Variants in THSD7B observed in about 807,000 individuals in gnomAD.
The protein encoded by THSD7B is thrombospondin type-1 domain-containing protein 7B.
Under a neutral mutation model 213.6 loss-of-function variants are expected in THSD7B, and 138 were observed. The ratio of observed to expected loss-of-function variants is 0.65; its 90% CI spans 0.56 to 0.74. The LOEUF is 0.74. Ranked by LOEUF, THSD7B falls within the 30% of genes least tolerant of loss-of-function variation. The probability of loss-of-function intolerance (pLI) is 0.00; values close to 1 mark genes in which losing one functional copy is unlikely to be tolerated. For missense variants in THSD7B, 1,931 were observed against 1,991.5 expected (o/e 0.97, Z 0.58); for synonymous variants, 742 against 687.0 (o/e 1.08, Z -1.25).
chr2:136,939,840 T>C (rs1684790676), intron 2 of THSD7B, among the ~76,000 whole-genome samples: 1 of 152,114 alleles, frequency 6.6e-6, no homozygotes, highest in African/African-American at 2.4e-5. Flanking sequence ...AAGGTTTGAT[T>C]ATTTAGCACA....
At position 137,056,424 on chromosome 2, in the gene THSD7B, GT is replaced by G; in HGVS notation, c.145del (p.Trp49GlyfsTer84). 1 of 1,607,062 alleles carries G rather than the reference GT, an allele frequency of 6.2e-7. No homozygotes were observed. Reference protein sequence around the residue: ...DNQFIWKPGPWGRCTGDCGPG... With the variant: ...DNQFIWKPGPXGRCTGDCGPG... The stretch of plus-strand genomic sequence containing the variant: ...TCCTTGTTTTTCTGCCTGTAGGTCC[GT>G]GGGGAAGGTGTACAGGAGACTGTGG... On this transcript the variant is annotated frameshift_variant, in exon 3 of 28. Transcript: ENST00000409968. LOFTEE classifies it high-confidence loss of function.
chr2:137,308,064 A>G (rs1411195903), intron 12 of THSD7B, among the ~76,000 whole-genome samples: 1 of 152,064 alleles, frequency 6.6e-6, no homozygotes, highest in Non-Finnish European at 1.5e-5. Context: ...TGTGTGTGAT[A>G]CACTATGGAA....
At chr2:137,657,529 AACATAC>A (rs1683260170) in intron 24 of THSD7B, among the ~76,000 whole-genome samples, 1 of 152,220 alleles carries the variant, frequency 6.6e-6, no homozygotes, top group Non-Finnish European at 1.5e-5. Flanking sequence ...CCTGACATAA[AACATAC>A]TCAGAAGTTG....
chr2:137,013,727 A>G (rs574457131), intron 2 of THSD7B, among the ~76,000 whole-genome samples: 2 of 151,560 alleles, frequency 1.3e-5, no homozygotes, highest in South Asian at 4.2e-4. Context: ...CACCCCCTAC[A>G]CTCTGCCCTG....
intron 20 of THSD7B, among the ~76,000 whole-genome samples, chr2:137,624,520 A>G (rs930961948): frequency 2.6e-5 from 4 of 152,194 alleles, no homozygotes; most frequent in African/African-American, 7.2e-5. Flanking sequence ...AGAAACTACC[A>G]TCAGAGTGAA....
chr2:137,070,929 A>G (rs1029929332), intron 3 of THSD7B, among the ~76,000 whole-genome samples: 1 of 152,158 alleles, frequency 6.6e-6, no homozygotes, highest in Non-Finnish European at 1.5e-5. Flanking sequence ...TCCAAAGTGT[A>G]TATGTGCCAC....
Position 137,659,708 on chromosome 2 carries a change from A to G in THSD7B, c.4420A>G (p.Ile1474Val), listed in dbSNP as rs1409640812. The G allele has an allele frequency of 1.2e-6, 2 of 1,605,004 alleles. No individual in the cohort carries two copies. Among genetic ancestry groups the G allele is most frequent in the Non-Finnish European group, 1.7e-6 (2 of 1,175,538 alleles). The change falls in exon 25 of 28, where the codon ATT becomes GTT. Residue 1474 changes from isoleucine to valine, a missense_variant. Physicochemically the swap from Ile to Val is conservative, Grantham distance 29 (BLOSUM62 3). Coordinates refer to ENST00000409968, the MANE Select transcript of THSD7B (RefSeq NM_001316349.2). ...QARPAAIRQC[I>V]PACRKPFSYC... is the part of the protein sequence containing the mutation. ...CCGTCCTGCTGCCATTCGGCAGTGC[A>G]TTCCAGCCTGCAGAAAACCTTTCTC... is the stretch of plus-strand genomic sequence containing the variant.
intron 15 of THSD7B, among the ~76,000 whole-genome samples, chr2:137,525,246 T>G (rs568365003): frequency 6.6e-6 from 1 of 152,146 alleles, no homozygotes; most frequent in African/African-American, 2.4e-5. Flanking sequence ...CCAAACACCA[T>G]GCACAATTTC....
chr2:137,312,047 T>C (rs955647240), intron 12 of THSD7B, among the ~76,000 whole-genome samples: 8 of 150,268 alleles, frequency 5.3e-5, no homozygotes, highest in Admixed American at 1.3e-4. Context: ...AATTCCCTCT[T>C]TTTCTGTTGA....
intron 2 of THSD7B, among the ~76,000 whole-genome samples, chr2:137,012,238 C>A (rs1056144786): frequency 1.8e-4 from 27 of 152,150 alleles, no homozygotes; most frequent in African/African-American, 6.0e-4. Flanking sequence ...GTTTTTAGAA[C>A]TAATTTTTCC....
chr2:137,545,686 CCAGCT>C (rs1401319296), intron 15 of THSD7B, among the ~76,000 whole-genome samples: 21 of 152,000 alleles, frequency 1.4e-4, no homozygotes, highest in African/African-American at 3.6e-4. Context: ...AAGTGAGAAG[CCAGCT>C]CAGATCTAGA....
chr2:137,604,635 G>T (rs144212330), intron 17 of THSD7B, among the ~76,000 whole-genome samples: 48 of 152,284 alleles, frequency 3.2e-4, no homozygotes, highest in African/African-American at 1.2e-3. Context: ...AGTGTCAGTT[G>T]CCAGGGACCC....
At chr2:137,141,664 C>T (rs78185262) in intron 5 of THSD7B, among the ~76,000 whole-genome samples, 10,176 of 137,348 alleles carry the variant, frequency 0.074, 361 homozygotes, top group East Asian at 0.11. Flanking sequence ...GAACTCCATG[C>T]CCCTGTGTGT....
intron 10 of THSD7B, among the ~76,000 whole-genome samples, chr2:137,252,287 AAAAC>A (rs1682200631): frequency 6.6e-6 from 1 of 151,090 alleles, no homozygotes; most frequent in South Asian, 2.1e-4. Flanking sequence ...AAAAAAAAAA[AAAAC>A]AAAGGGTTGG....
chr2:137,449,410 A>G (rs1687604721), intron 14 of THSD7B, among the ~76,000 whole-genome samples: 1 of 152,194 alleles, frequency 6.6e-6, no homozygotes, highest in Non-Finnish European at 1.5e-5. Context: ...AACAACCTTT[A>G]TTATCTCACA....
At chr2:137,623,616 G>A (rs1463869488) in intron 20 of THSD7B, among the ~76,000 whole-genome samples, 3 of 152,170 alleles carry the variant, frequency 2.0e-5, no homozygotes, top group African/African-American at 7.2e-5. Flanking sequence ...AAGCTGATAA[G>A]CAACTTCAGC....
At chr2:137,205,052 C>A (rs748777575) in intron 7 of THSD7B, among the ~76,000 whole-genome samples, 1 of 152,072 alleles carries the variant, frequency 6.6e-6, no homozygotes, top group Non-Finnish European at 1.5e-5. Context: ...GTCTACCACA[C>A]TCATCCATTT....
intron 1 of THSD7B, among the ~76,000 whole-genome samples, chr2:136,868,092 A>C (rs941356459): frequency 1.3e-5 from 2 of 149,632 alleles, no homozygotes; most frequent in Non-Finnish European, 3.0e-5. Context: ...ATCTAGAAAC[A>C]CACCACACCA....
At chr2:137,107,169 A>G (rs1056058399) in intron 4 of THSD7B, among the ~76,000 whole-genome samples, 1 of 152,268 alleles carries the variant, frequency 6.6e-6, no homozygotes, top group Non-Finnish European at 1.5e-5. Flanking sequence ...CGAATAAACA[A>G]AATGTAGCAC....
Sources: allele counts gnomAD v4.1 joint callset (sites outside exome capture counted in the v4.1 genomes callset), GRCh38; gene constraint gnomAD v4.1.1; transcripts MANE v1.5; gene names NCBI Gene and HGNC (gene_info 2026-07-23, HGNC 2026-07-21).